Variants in SECISBP2 observed in about 807,000 individuals in gnomAD.
SECISBP2 encodes the protein SECIS binding protein 2.
SECISBP2 carries 96 observed loss-of-function variants against 98.2 expected under a neutral mutation model. The ratio of observed to expected loss-of-function variants is 0.98; its 90% confidence interval spans 0.83 to 1.16. SECISBP2 has a LOEUF of 1.16. SECISBP2 is among the 50% of genes most tolerant of loss of function. The pLI, the probability that SECISBP2 is intolerant of heterozygous loss-of-function variation, is 0.00. For synonymous variants in SECISBP2, 407 were observed against 370.2 expected (o/e 1.10, Z -1.14); for missense variants, 1,046 against 1,022.9 (o/e 1.02, Z -0.31).
Position 89,358,065 on chromosome 9 carries a change from A to C in SECISBP2, c.2335A>C (p.Asn779His). The change falls in exon 16 of 17, where the codon AAT becomes CAT. Residue 779 changes from asparagine (N) to histidine (H), a missense_variant. Coordinates refer to ENST00000375807, the MANE Select transcript of SECISBP2 (RefSeq NM_024077.5). Reference protein sequence around the residue: ...ARQAYKTMLENVQQELVGEPR... With the variant: ...ARQAYKTMLEHVQQELVGEPR... ...ACAGGCGTACAAGACCATGCTGGAG[A>C]ATGTGCAGCAGGAGCTGGTGGGAGA... The C allele has an allele frequency of 6.2e-7, 1 of 1,613,792 alleles. No homozygotes were observed. Among genetic ancestry groups the C allele is most frequent in the East Asian group, 2.2e-5 (1 of 44,880 alleles).
At position 89,357,543 on chromosome 9, in the gene SECISBP2, T is replaced by G; in HGVS notation, c.2246T>G (p.Ile749Ser). 6.2e-7 allele frequency: 1 copy of G among 1,613,934 alleles called. No individual in the cohort carries two copies. The highest frequency in any genetic ancestry group is 8.5e-7 in the Non-Finnish European group (1 of 1,180,006). The change falls in exon 15 of 17, where the codon ATC (isoleucine) becomes AGC (serine). Residue 749 changes from isoleucine (I) to serine (S), a missense_variant. By Grantham distance (142) the Ile-to-Ser change is moderately radical. Transcript: ENST00000375807. Reference protein sequence around the residue: ...NKAVPVSVVGIFSYDGAQDQF... With the variant: ...NKAVPVSVVGSFSYDGAQDQF... ...GCAGTTCCTGTCAGTGTGGTGGGGATCTTCAGCTATGATGGGGCCCAGGTG... is the reference window on the plus strand; with the variant it reads ...GCAGTTCCTGTCAGTGTGGTGGGGAGCTTCAGCTATGATGGGGCCCAGGTG...
chr9:89,364,012 T>G, downstream of SECISBP2: 1 of 1,613,416 alleles, frequency 6.2e-7, no homozygotes, highest in Non-Finnish European at 8.5e-7. Context: ...AGCTGCCCCA[T>G]GAGGGTGCAG....
intron 14 of SECISBP2, chr9:89,355,598 A>C (rs1168298232): frequency 1.3e-5 from 13 of 981,536 alleles, no homozygotes; most frequent in Non-Finnish European, 1.6e-5. Flanking sequence ...ACCAAAAAAA[A>C]AAATTGGCCA....
chr9:89,351,743 T>A (rs970090180), intron 14 of SECISBP2, among the ~76,000 whole-genome samples: 2 of 152,192 alleles, frequency 1.3e-5, no homozygotes, highest in Non-Finnish European at 2.9e-5. Flanking sequence ...CTGTCCTAAC[T>A]TGGTACGGGT....
At chr9:89,325,730 A>T in intron 3 of SECISBP2, 54 bp downstream of exon 3, 1 of 1,610,796 alleles carries the variant, frequency 6.2e-7, no homozygotes, top group East Asian at 2.2e-5. Flanking sequence ...TTAATGTTTA[A>T]AATGTAAAGA....
intron 10 of SECISBP2, among the ~76,000 whole-genome samples, chr9:89,346,363 A>G (rs1276823020): frequency 1.3e-5 from 2 of 152,224 alleles, no homozygotes; most frequent in Non-Finnish European, 2.9e-5. Flanking sequence ...ACGTCTGGAA[A>G]ACTCAAGAGA....
intron 2 of SECISBP2, among the ~76,000 whole-genome samples, chr9:89,321,166 C>T (rs1310255479): frequency 6.6e-6 from 1 of 152,196 alleles, no homozygotes; most frequent in Non-Finnish European, 1.5e-5. Flanking sequence ...GCATGGGTCT[C>T]ACTTGAGTTG....
chr9:89,319,248 T>C (rs746109607), intron 1 of SECISBP2, among the ~76,000 whole-genome samples: 9 of 152,234 alleles, frequency 5.9e-5, no homozygotes, highest in Non-Finnish European at 2.9e-5. Context: ...GAAAATGTAA[T>C]GGAAATAAAC....
At chr9:89,360,233 T>TTTATC (rs1411256625), downstream of SECISBP2, among the ~76,000 whole-genome samples, 1 of 152,128 alleles carries the variant, frequency 6.6e-6, no homozygotes, top group East Asian at 1.9e-4. Flanking sequence ...TCTCCACCCA[T>TTTATC]TTATCTTTCA....
Position 89,357,555 on chromosome 9 carries a change from A to C in SECISBP2, c.2258A>C (p.Asp753Ala), listed in dbSNP as rs370005978. 4 of 1,613,548 alleles carry C rather than the reference A, an allele frequency of 2.5e-6. No homozygotes were observed. The highest frequency in any genetic ancestry group is 3.4e-6 in the Non-Finnish European group (4 of 1,179,986). ...AGTGTGGTGGGGATCTTCAGCTATG[A>C]TGGGGCCCAGGTGAGTGCACAGGGC... ...PVSVVGIFSY[D>A]GAQDQFHKMV... is the part of the protein sequence containing the mutation. Residue 753 changes from aspartate to alanine, a missense_variant, in exon 15 of 17, where the codon GAT becomes GCT. Asp to Ala is a moderately radical substitution (Grantham distance 126, BLOSUM62 -2). Coordinates refer to ENST00000375807, the MANE Select transcript of SECISBP2 (RefSeq NM_024077.5).
At chr9:89,359,841 C>T (rs1196041265), downstream of SECISBP2, among the ~76,000 whole-genome samples, 1 of 152,146 alleles carries the variant, frequency 6.6e-6, no homozygotes, top group African/African-American at 2.4e-5. Flanking sequence ...CACAGACCTG[C>T]CGGAGCCAGA....
At chr9:89,344,096 C>T (rs998337520) in intron 10 of SECISBP2, among the ~76,000 whole-genome samples, 4 of 152,128 alleles carry the variant, frequency 2.6e-5, no homozygotes, top group African/African-American at 7.2e-5. Context: ...TTCTCGTATG[C>T]TTGTTGGCCA....
At chr9:89,342,083 C>A (rs1829732787) in intron 10 of SECISBP2, among the ~76,000 whole-genome samples, 1 of 152,122 alleles carries the variant, frequency 6.6e-6, no homozygotes, top group South Asian at 2.1e-4. Context: ...TTTAGGAACT[C>A]CAGCTGAATA....
intron 11 of SECISBP2, among the ~76,000 whole-genome samples, 194 bp from the exon 12 acceptor site, chr9:89,347,885 G>A (rs1007458984): frequency 6.6e-6 from 1 of 152,162 alleles, no homozygotes; most frequent in South Asian, 2.1e-4. Flanking sequence ...TGCATACCTT[G>A]GGAGGAACGT....
chr9:89,357,425 A>G lies in SECISBP2; in HGVS notation c.2128A>G (p.Thr710Ala). The change falls in exon 15 of 17, where the codon ACT becomes GCT. Residue 710 changes from threonine (T) to alanine (A), a missense_variant. Coordinates refer to ENST00000375807, the MANE Select transcript of SECISBP2 (RefSeq NM_024077.5). ...KIQSKGGLDDTLHTIIDYACE... is the reference protein window; with the variant it reads ...KIQSKGGLDDALHTIIDYACE... ...CCTTTGACCAGGTGGGCTGGATGAC[A>G]CTTTGCACACAATTATTGATTATGC... 1 of 1,614,168 alleles carries G rather than the reference A, an allele frequency of 6.2e-7. No individual in the cohort carries two copies. The highest frequency in any genetic ancestry group is 8.5e-7 in the Non-Finnish European group (1 of 1,180,042).
intron 13 of SECISBP2, 64 bp from the exon 14 acceptor site, chr9:89,350,568 A>T: frequency 7.1e-7 from 1 of 1,414,248 alleles, no homozygotes; most frequent in Non-Finnish European, 1.0e-6. Flanking sequence ...CTGGGGTGGG[A>T]TGGGAGCAGT....
In SECISBP2 at chr9:89,358,731, G is replaced by A. The variant is rs1564460865; in HGVS notation, c.2472G>A (p.Trp824Ter). Residue 824 changes from tryptophan to a stop codon, truncating the protein, a stop_gained, in exon 17 of 17, where the codon TGG becomes TGA. Coordinates refer to ENST00000375807, the MANE Select transcript of SECISBP2 (RefSeq NM_024077.5). LOFTEE classifies it high-confidence loss of function. The stretch of plus-strand genomic sequence containing the variant: ...GTTTTCTCATTTTAGTTGAAATCTG[G>A]AAAAAACATCTGGAAGCATACAGTG... ...EKEEPHYIEI[W>*]KKHLEAYSGC... The A allele has an allele frequency of 6.2e-7, 1 of 1,612,618 alleles. No individual in the cohort carries two copies. Among genetic ancestry groups the A allele is most frequent in the Admixed American group, 1.7e-5 (1 of 60,012 alleles).
rs1564428175 is a variant in SECISBP2, at chr9:89,349,935, T to TG, written c.1892+7dup. On this transcript the variant is annotated splice_region_variant and intron_variant, in intron 13 of 16. Coordinates refer to ENST00000375807, the MANE Select transcript of SECISBP2 (RefSeq NM_024077.5). ...CACAGCCGCAGATTCAGGGAGTGAGTGAGCCCCTGCCTGCCAGGGACTAGG... is the reference window on the plus strand; with the variant it reads ...CACAGCCGCAGATTCAGGGAGTGAGTGGAGCCCCTGCCTGCCAGGGACTAGG... 6.2e-7 allele frequency: 1 copy of TG among 1,613,712 alleles called. No individual in the cohort carries two copies. The highest frequency in any genetic ancestry group is 8.5e-7 in the Non-Finnish European group (1 of 1,179,938).
intron 7 of SECISBP2, among the ~76,000 whole-genome samples, chr9:89,337,804 A>T (rs1829011753): frequency 6.6e-6 from 1 of 152,222 alleles, no homozygotes; most frequent in Admixed American, 6.5e-5. Context: ...CAGATGTAGG[A>T]CATGTCAGAG....
Sources: allele counts gnomAD v4.1 joint callset (sites outside exome capture counted in the v4.1 genomes callset), GRCh38; gene constraint gnomAD v4.1.1; transcripts MANE v1.5; gene names NCBI Gene and HGNC (gene_info 2026-07-23, HGNC 2026-07-21).